The following KIF18A variants were observed in gnomAD, a reference collection of about 807,000 sequenced individuals.
KIF18A encodes the protein kinesin-like protein KIF18A.
Under a neutral mutation model 103.3 loss-of-function variants are expected in KIF18A, and 67 were observed. That is an observed-to-expected ratio of 0.65 (90% confidence interval 0.53 to 0.79). The LOEUF (loss-of-function observed/expected upper bound fraction) is 0.79, where lower values mean the gene tolerates loss of function less well. Among genes scored for constraint, KIF18A ranks in the 30% least tolerant of loss-of-function variants. The pLI is 0.00. For missense variants in KIF18A, 1,032 were observed against 1,062.5 expected (o/e 0.97, Z 0.40); for synonymous variants, 367 against 355.5 (o/e 1.03, Z -0.36).
Position 28,058,992 on chromosome 11 carries a change from C to G in KIF18A, c.1882G>C (p.Asp628His). 6.2e-7 allele frequency: 1 copy of G among 1,614,016 alleles called. No individual in the cohort carries two copies. Among genetic ancestry groups the G allele is most frequent in the Non-Finnish European group, 8.5e-7 (1 of 1,179,960 alleles). ...DQTAEQPKQN[D>H]LPGISVLMTF... ...ATAAGAACAGAAATCCCTGGTAGATCGTTTTGCTTTGGTTGTTCGGCAGTT... is the reference window on the plus strand; with the variant it reads ...ATAAGAACAGAAATCCCTGGTAGATGGTTTTGCTTTGGTTGTTCGGCAGTT... The change falls in exon 13 of 17, where the codon GAT (aspartate) becomes CAT (histidine). Residue 628 changes from aspartate (D) to histidine (H), a missense_variant. By Grantham distance (81) the Asp-to-His change is moderately conservative. Coordinates refer to ENST00000263181, the MANE Select transcript of KIF18A (RefSeq NM_031217.4).
At position 28,077,169 on chromosome 11, in the gene KIF18A, C is replaced by T; in HGVS notation, c.1263G>A (p.Arg421=). Residue 421 remains arginine (R), a splice_region_variant and synonymous_variant, in exon 10 of 17, where the codon AGG becomes AGA. Coordinates refer to ENST00000263181, the MANE Select transcript of KIF18A (RefSeq NM_031217.4). ...ISNPQEKEIE[R]FQEILNCLFQ... The stretch of plus-strand genomic sequence containing the variant: ...ACAAGCAGTTCAGGATTTCTTGAAA[C>T]CTACCAAAATTAAAACACATTACAG... 1 of 1,558,178 alleles carries T rather than the reference C, an allele frequency of 6.4e-7. No homozygotes were observed. Among genetic ancestry groups the T allele is most frequent in the Non-Finnish European group, 8.6e-7 (1 of 1,161,464 alleles).
At chr11:28,090,965 T>G (rs1213039581) in intron 4 of KIF18A, among the ~76,000 whole-genome samples, 1 of 151,910 alleles carries the variant, frequency 6.6e-6, no homozygotes, top group Non-Finnish European at 1.5e-5. Flanking sequence ...AATATGACAT[T>G]AAATGTTCAA....
chr11:28,062,422 T>G lies in KIF18A; in HGVS notation c.1685A>C (p.Gln562Pro). 1 of 1,611,304 alleles carries G rather than the reference T, an allele frequency of 6.2e-7. No homozygotes were observed. The highest frequency in any genetic ancestry group is 8.5e-7 in the Non-Finnish European group (1 of 1,178,410). ...IRHMMDLACLQEQQHRQTEAV... is the reference protein window; with the variant it reads ...IRHMMDLACLPEQQHRQTEAV... ...TTCAGTCTGCCTGTGTTGCTGTTCC[T>G]GAAGACAAGCTAGATCCATCATATG... is the stretch of plus-strand genomic sequence containing the variant. The change falls in exon 12 of 17, where the codon CAG becomes CCG. Residue 562 changes from glutamine (Q) to proline (P), a missense_variant. By Grantham distance (76) the Gln-to-Pro change is moderately conservative. Coordinates refer to ENST00000263181, the MANE Select transcript of KIF18A (RefSeq NM_031217.4).
At chr11:28,106,003 G>A (rs1306174028) in intron 1 of KIF18A, among the ~76,000 whole-genome samples, 1 of 152,132 alleles carries the variant, frequency 6.6e-6, no homozygotes, top group Non-Finnish European at 1.5e-5. Flanking sequence ...TAACAAGTGG[G>A]CAACCAAATG....
intron 10 of KIF18A, 184 bp downstream of exon 10, chr11:28,076,823 A>C (rs1212094326): frequency 5.6e-6 from 2 of 360,298 alleles, no homozygotes; most frequent in East Asian, 5.7e-5. Flanking sequence ...AATACCAGCT[A>C]GCTGGGAGGC....
At position 28,084,821 on chromosome 11, in the gene KIF18A, A is replaced by C. The variant is rs757641085; in HGVS notation, c.898-13T>G. 6.2e-7 allele frequency: 1 copy of C among 1,601,530 alleles called. No homozygotes were observed. The highest frequency in any genetic ancestry group is 8.5e-7 in the Non-Finnish European group (1 of 1,170,904). The stretch of plus-strand genomic sequence containing the variant: ...GCTGATTCTTTCTCTGAAAGCACAA[A>C]AAAGAGATCTTATGTCATTTTCCAC... On this transcript the variant is annotated splice_polypyrimidine_tract_variant and intron_variant, in intron 6 of 16. Transcript: ENST00000263181.
intron 6 of KIF18A, among the ~76,000 whole-genome samples, chr11:28,085,012 A>C (rs1851209709): frequency 6.6e-6 from 1 of 152,246 alleles, no homozygotes; most frequent in Non-Finnish European, 1.5e-5. Context: ...ATCATGGACA[A>C]TTATCAATCA....
chr11:28,045,966 G>A (rs1043088321), intron 13 of KIF18A, among the ~76,000 whole-genome samples: 7 of 151,698 alleles, frequency 4.6e-5, no homozygotes, highest in African/African-American at 7.3e-5. Context: ...CTGGCCATCA[G>A]AGAAATGCAA....
At position 28,036,330 on chromosome 11, in the gene KIF18A, A is replaced by G; in HGVS notation, c.2283T>C (p.Cys761=). ...ATGTAGAGTCCAAGTCCTCCTGTCC[A>G]CATTCTTTTCTTCTATTATGAGGGA... ...VAIPHNRRKE[C]GQEDLDSTFT... is the part of the protein sequence containing the mutation. Residue 761 remains cysteine (C), a synonymous_variant, in exon 14 of 17, where the codon TGT becomes TGC. Transcript: ENST00000263181. 1 of 1,610,796 alleles carries G rather than the reference A, an allele frequency of 6.2e-7. No individual in the cohort carries two copies. The highest frequency in any genetic ancestry group is 1.3e-5 in the African/African-American group (1 of 74,832).
intron 3 of KIF18A, among the ~76,000 whole-genome samples, chr11:28,093,929 T>C (rs1029064347): frequency 1.3e-5 from 2 of 152,174 alleles, no homozygotes; most frequent in African/African-American, 2.4e-5. Context: ...AAAACGTATC[T>C]TCAAAGTGGA....
At chr11:28,066,822 T>TATTAC (rs1468186611) in intron 11 of KIF18A, among the ~76,000 whole-genome samples, 2 of 148,314 alleles carry the variant, frequency 1.3e-5, no homozygotes, top group African/African-American at 4.9e-5. Context: ...TATTATATTA[T>TATTAC]ATTATATTAT....
At chr11:28,067,556 TC>T (rs1850950560) in intron 11 of KIF18A, among the ~76,000 whole-genome samples, 1 of 152,178 alleles carries the variant, frequency 6.6e-6, no homozygotes, top group African/African-American at 2.4e-5. Context: ...TTGACTAGTA[TC>T]TTTGAATTAT....
chr11:28,047,590 A>T (rs1205332949), intron 13 of KIF18A, among the ~76,000 whole-genome samples: 1 of 152,146 alleles, frequency 6.6e-6, no homozygotes, highest in Admixed American at 6.6e-5. Flanking sequence ...AGAAAATGAC[A>T]TTCTCAAAGT....
intron 2 of KIF18A, among the ~76,000 whole-genome samples, chr11:28,096,205 G>A (rs10835269): frequency 0.42 from 39,802 of 95,570 alleles, 9,621 homozygotes; most frequent in African/African-American, 0.65. Flanking sequence ...AAGACAAAGA[G>A]AAAGAAAAAA....
At chr11:28,033,248 A>G (rs577712528) in intron 15 of KIF18A, among the ~76,000 whole-genome samples, 2 of 151,848 alleles carry the variant, frequency 1.3e-5, no homozygotes, top group Non-Finnish European at 2.9e-5. Flanking sequence ...GAACACTTGT[A>G]TACTGTTCAT....
At chr11:28,094,073 T>C (rs1341921631) in intron 3 of KIF18A, among the ~76,000 whole-genome samples, 1 of 152,178 alleles carries the variant, frequency 6.6e-6, no homozygotes, top group Non-Finnish European at 1.5e-5. Flanking sequence ...TGTCAGTGCA[T>C]AATCTGAATC....
chr11:28,022,480 G>T (rs1850259478), intron 16 of KIF18A, among the ~76,000 whole-genome samples: 1 of 152,014 alleles, frequency 6.6e-6, no homozygotes, highest in Admixed American at 6.6e-5. Context: ...TGTTAGCCAG[G>T]ATGGTCTCGA....
chr11:28,055,015 A>T (rs1850760345), intron 13 of KIF18A, among the ~76,000 whole-genome samples: 1 of 152,156 alleles, frequency 6.6e-6, no homozygotes, highest in South Asian at 2.1e-4. Context: ...TTAAAATCCT[A>T]TTTCCTTTCT....
In KIF18A at chr11:28,097,804, T is replaced by G. The variant is rs762237740; in HGVS notation, c.144A>C (p.Gln48His). The G allele has an allele frequency of 6.2e-7, 1 of 1,613,316 alleles. No homozygotes were observed. The highest frequency in any genetic ancestry group is 1.3e-5 in the African/African-American group (1 of 74,888). ...DKHILVFDPK[Q>H]EEVSFFHGKK... ...TTCCATGGAAAAAACTGACTTCTTC[T>G]TGTTTGGGATCAAAAACTAGGATAT... Residue 48 changes from glutamine (Q) to histidine (H), a missense_variant, in exon 2 of 17, where the codon CAA (glutamine) becomes CAC (histidine). Gln to His is a conservative substitution (Grantham distance 24). Transcript: ENST00000263181.
Sources: gnomAD v4.1 joint callset for allele counts (sites outside exome capture counted in the v4.1 genomes callset) on GRCh38, gnomAD v4.1.1 for gene constraint, MANE v1.5 for transcripts, NCBI Gene and HGNC (gene_info 2026-07-23, HGNC 2026-07-21) for gene names.